JHY: variants seen among roughly 807,000 people sequenced by gnomAD.
The protein encoded by JHY is junctional cadherin complex regulator.
JHY carries 69 observed loss-of-function variants against 78.0 expected under a neutral mutation model. That is an observed-to-expected ratio of 0.88 (90% CI 0.73 to 1.08). JHY has a LOEUF of 1.08. JHY is among the 50% of genes least tolerant of loss of function. The pLI, the probability that JHY is intolerant of heterozygous loss-of-function variation, is 0.00. For missense variants in JHY, 944 were observed against 927.8 expected (o/e 1.02, Z -0.23); for synonymous variants, 368 against 342.6 (o/e 1.07, Z -0.82).
chr11:122,941,114 A>G (rs74357745), intron 5 of JHY, among the ~76,000 whole-genome samples: 15,590 of 152,188 alleles, frequency 0.1, 835 homozygotes, highest in East Asian at 0.19. Flanking sequence ...TGGAAGCATC[A>G]GTTTCTCCAA....
chr11:122,953,181 A>C (rs567590259), intron 6 of JHY, among the ~76,000 whole-genome samples: 1 of 152,370 alleles, frequency 6.6e-6, no homozygotes, highest in South Asian at 2.1e-4. Flanking sequence ...TTAAATGTTC[A>C]ACATTTAGAG....
intron 3 of JHY, chr11:122,905,672 A>G (rs1862974338): frequency 1.2e-6 from 1 of 823,146 alleles, no homozygotes; most frequent in Middle Eastern, 6.2e-4. Flanking sequence ...GTTCAAGACC[A>G]GCCTGGCCAA....
At chr11:122,894,059 G>A (rs145679478) in intron 2 of JHY, among the ~76,000 whole-genome samples, 272 of 152,200 alleles carry the variant, frequency 1.8e-3, no homozygotes, top group African/African-American at 5.2e-3. Context: ...GGTGGCTTAC[G>A]TTTATAATCC....
In JHY at chr11:122,885,874, A is replaced by G. The variant is rs995941666; in HGVS notation, c.25A>G (p.Lys9Glu). ...GATGAGTAAACGTAAACTAATTCCC[A>G]AGCTCTCTATTCAATCTCCTGTCCT... MSKRKLIP[K>E]LSIQSPVLHT... The change falls in exon 2 of 9, where the codon AAG (lysine) becomes GAG (glutamate). Residue 9 changes from lysine (K) to glutamate (E), a missense_variant. Physicochemically the swap from Lys to Glu is moderately conservative, Grantham distance 56 (BLOSUM62 1). Coordinates refer to ENST00000227349, the MANE Select transcript of JHY (RefSeq NM_024806.4). 1.2e-6 allele frequency: 2 copies of G among 1,610,646 alleles called. No individual in the cohort carries two copies. The highest frequency in any genetic ancestry group is 1.7e-6 in the Non-Finnish European group (2 of 1,177,542).
rs558077009 is a variant in JHY at position 122,934,968 on chromosome 11, A to G, written c.1527A>G (p.Lys509=). 1.9e-6 allele frequency: 3 copies of G among 1,614,090 alleles called. No individual in the cohort carries two copies. Among genetic ancestry groups the G allele is most frequent in the Non-Finnish European group, 2.5e-6 (3 of 1,179,986 alleles). ...AGAGACACGTGCTCCTGAGCCAGAA[A>G]GGCTCTCAGTTTGTTTATCACATAA... ...LSKRHVLLSQ[K]GSQFVYHINT... is the part of the protein sequence containing the mutation. Residue 509 remains lysine (K), a synonymous_variant, in exon 5 of 9, where the codon AAA becomes AAG. Transcript: ENST00000227349.
intron 2 of JHY, among the ~76,000 whole-genome samples, chr11:122,900,327 A>C (rs2135300225): frequency 6.6e-6 from 1 of 152,286 alleles, no homozygotes; most frequent in Non-Finnish European, 1.5e-5. Flanking sequence ...GGGGACCATT[A>C]GTTTGTTTAC....
At chr11:122,945,390 C>T (rs969500605) in intron 5 of JHY, among the ~76,000 whole-genome samples, 5 of 152,098 alleles carry the variant, frequency 3.3e-5, no homozygotes, top group Non-Finnish European at 5.9e-5. Flanking sequence ...ATATGTTTCT[C>T]AGGTTCTTAG....
At chr11:122,912,449 ATTTT>A (rs1863151641) in intron 3 of JHY, among the ~76,000 whole-genome samples, 1 of 152,172 alleles carries the variant, frequency 6.6e-6, no homozygotes, top group African/African-American at 2.4e-5. Flanking sequence ...TGGTAGCAGC[ATTTT>A]TGCTAGGGAA....
At chr11:122,958,081 C>A (rs1207400574) in intron 8 of JHY, among the ~76,000 whole-genome samples, 1 of 152,174 alleles carries the variant, frequency 6.6e-6, no homozygotes, top group Non-Finnish European at 1.5e-5. Context: ...CCCCTACACT[C>A]TCCATAGGGA....
rs59941995 is a variant in JHY at position 122,911,905 on chromosome 11, C to CAAAAAA, written c.864+7486_864+7491dup. Among the ~76,000 whole-genome samples the CAAAAAA allele has an allele frequency of 6.4e-4, 32 of 49,736 alleles. 1 individual carries two copies. Among genetic ancestry groups the CAAAAAA allele is most frequent in the African/African-American group, 1.6e-3 (20 of 12,364 alleles). The allele number at this position is 49,736 out of a possible 152,430, so 32.6% of individuals were successfully genotyped here. A position where few individuals can be genotyped will look rare whatever the true frequency, so the allele number is the denominator to read the frequency against. On this transcript the variant is annotated intron_variant, in intron 3 of 8. Coordinates refer to ENST00000227349, the MANE Select transcript of JHY (RefSeq NM_024806.4). Reference sequence around the variant, plus strand: ...GGGCAAGAAGAGCGAAACTCTGTCTCAAAAAAAAAAAAAAAAAAAAAAAAA... The same window carrying CAAAAAA: ...GGGCAAGAAGAGCGAAACTCTGTCTCAAAAAAAAAAAAAAAAAAAAAAAAAAAAAAA...
chr11:122,959,259 C>T lies in JHY; in HGVS notation c.2151C>T (p.Tyr717=), dbSNP rs150629469. Reference sequence around the variant, plus strand: ...CTTTATGCGTTTAGGCTTTGGAATACGCTAAGACCATCCCCAAACCCAAAC... The same window carrying T: ...CTTTATGCGTTTAGGCTTTGGAATATGCTAAGACCATCCCCAAACCCAAAC... ...SAIPRQKALE[Y]AKTIPKPKPS... is the part of the protein sequence containing the mutation. The change falls in exon 9 of 9, where the codon TAC becomes TAT. Residue 717 remains tyrosine (Y), a synonymous_variant. Transcript: ENST00000227349. 31 of 1,614,002 alleles carry T rather than the reference C, an allele frequency of 1.9e-5. No homozygotes were observed. The highest frequency in any genetic ancestry group is 1.2e-4 in the African/African-American group (9 of 75,014).
In JHY at chr11:122,898,067, A is replaced by G. The variant is rs1862772870; in HGVS notation, c.345-5858A>G. ...TCACATCCTCCTGTTTTAAATACCC[A>G]TAACGTCCTGTATTTCTTTACACAT... On this transcript the variant is annotated intron_variant, in intron 2 of 8. Coordinates refer to ENST00000227349, the MANE Select transcript of JHY (RefSeq NM_024806.4). This position sits in a 1 kb window ranked among gnomAD's most constrained non-coding sequence, Gnocchi z 4.4. Among the ~76,000 whole-genome samples the G allele has an allele frequency of 6.6e-6, 1 of 152,202 alleles. No individual in the cohort carries two copies. The highest frequency in any genetic ancestry group is 1.5e-5 in the Non-Finnish European group (1 of 68,042).
intron 5 of JHY, among the ~76,000 whole-genome samples, chr11:122,939,238 G>A (rs1429089596): frequency 2.6e-5 from 4 of 151,982 alleles, no homozygotes; most frequent in Non-Finnish European, 4.4e-5. Context: ...CACCCACCTC[G>A]GCCTCCCAAA....
chr11:122,937,257 T>A (rs200537001), intron 5 of JHY, among the ~76,000 whole-genome samples: 3 of 125,252 alleles, frequency 2.4e-5, no homozygotes, highest in African/African-American at 3.0e-5. Flanking sequence ...TTTTTTTTTT[T>A]AATTTTTTTG....
rs1047097696 is a variant in JHY at position 122,959,128 on chromosome 11, G to A, written c.2140-120G>A. ...TTGTTTGATCTCCATTTCCACCAAT[G>A]TCTTAGTAAGTTATAGTGATAGTCT... On this transcript the variant is annotated intron_variant, in intron 8 of 8. Coordinates refer to ENST00000227349, the MANE Select transcript of JHY (RefSeq NM_024806.4). The A allele has an allele frequency of 5.0e-6, 7 of 1,386,438 alleles. No individual in the cohort carries two copies. In the African/African-American group the frequency reaches 1.0e-4, roughly 20 times the overall value. The allele number at this position is 1,386,438 out of a possible 1,614,324, so 85.9% of individuals were successfully genotyped here. A position where few individuals can be genotyped will look rare whatever the true frequency, so the allele number is the denominator to read the frequency against.
chr11:122,885,704 G>C, intron 1 of JHY, 57 bp from the exon 2 acceptor site: 1 of 622,020 alleles, frequency 1.6e-6, no homozygotes, highest in East Asian at 2.8e-5. Context: ...TTTGATTAAC[G>C]TTGACAGTAT....
rs762057060 is a variant in JHY, at chr11:122,904,357, C to A, written c.777C>A (p.Asn259Lys). The change falls in exon 3 of 9, where the codon AAC (asparagine) becomes AAA (lysine). Residue 259 changes from asparagine (N) to lysine (K), a missense_variant. Physicochemically the swap from Asn to Lys is moderately conservative, Grantham distance 94. Coordinates refer to ENST00000227349, the MANE Select transcript of JHY (RefSeq NM_024806.4). ...RKSKQHFVEK[N>K]KLTLGLPTPK... The stretch of plus-strand genomic sequence containing the variant: ...CCAAACAACATTTTGTGGAAAAAAA[C>A]AAGCTCACTTTGGGATTACCCACCC... The A allele has an allele frequency of 6.2e-6, 10 of 1,613,992 alleles. No individual in the cohort carries two copies. The East Asian group carries it at 1.8e-4, about 29-fold the overall frequency.
At chr11:122,959,174 C>A in intron 8 of JHY, 74 bp from the exon 9 acceptor site, 1 of 1,486,416 alleles carries the variant, frequency 6.7e-7, no homozygotes, top group Non-Finnish European at 9.1e-7. Context: ...TATAAATAAA[C>A]ATTTCCTAGA....
At chr11:122,934,163 T>C (rs894984861) in intron 4 of JHY, among the ~76,000 whole-genome samples, 1 of 152,014 alleles carries the variant, frequency 6.6e-6, no homozygotes, top group African/African-American at 2.4e-5. Flanking sequence ...ATGGTCACCT[T>C]CCTAGAAGTC....
Sources: allele counts gnomAD v4.1 joint callset (sites outside exome capture counted in the v4.1 genomes callset), GRCh38; gene constraint gnomAD v4.1.1; non-coding constraint Gnocchi (gnomAD v3.1); transcripts MANE v1.5; gene names NCBI Gene and HGNC (gene_info 2026-07-23, HGNC 2026-07-21).